Variants in CSMD1 observed in about 807,000 individuals in gnomAD.
CSMD1 encodes the protein CUB and Sushi multiple domains 1.
CSMD1 carries 213 observed loss-of-function variants against 417.5 expected under a neutral mutation model. That is an observed-to-expected ratio of 0.51 (90% CI 0.46 to 0.57). The LOEUF is 0.57. Among genes scored for constraint, CSMD1 ranks in the 20% least tolerant of loss-of-function variants. CSMD1 has a pLI of 0.00. For synonymous variants in CSMD1, 2,862 were observed against 1,736.8 expected, an observed-to-expected ratio of 1.65 and a Z score of -16.11; for missense variants, 6,923 against 4,529.7, an observed-to-expected ratio of 1.53 and a Z score of -15.17.
At chr8:4,089,561 G>C (rs907770383) in intron 3 of CSMD1, among the ~76,000 whole-genome samples, 3 of 152,112 alleles carry the variant, frequency 2.0e-5, no homozygotes, top group African/African-American at 7.2e-5. Flanking sequence ...ATTCTGACTT[G>C]CATTACTTAG....
intron 68 of CSMD1, among the ~76,000 whole-genome samples, chr8:2,948,072 A>T (rs576302545): frequency 2.0e-5 from 3 of 152,118 alleles, no homozygotes; most frequent in Non-Finnish European, 4.4e-5. Context: ...CTCTGGTATC[A>T]AAGCCTATAT....
At chr8:3,541,888 C>T (rs58715660) in intron 10 of CSMD1, among the ~76,000 whole-genome samples, 1,594 of 152,100 alleles carry the variant, frequency 0.01, 29 homozygotes, top group African/African-American at 0.037. Flanking sequence ...ATGGCAAAAC[C>T]CCATCTCTAC....
At chr8:4,385,984 C>G (rs915649977) in intron 3 of CSMD1, among the ~76,000 whole-genome samples, 3 of 150,884 alleles carry the variant, frequency 2.0e-5, no homozygotes, top group South Asian at 4.2e-4. Context: ...CCTTTAAGTT[C>G]ATTTCCTCTG....
In CSMD1 at chr8:4,352,869, G is replaced by C. The variant is rs533252815; in HGVS notation, c.415+67084C>G. On this transcript the variant is annotated intron_variant, in intron 3 of 69. Coordinates refer to ENST00000635120, the MANE Select transcript of CSMD1 (RefSeq NM_033225.6). ...GACCTGTTTCTCTTTGTTTTGTATT[G>C]ATCGTCAGCCATAATTACCTCAGAA... Among the ~76,000 whole-genome samples the C allele has an allele frequency of 2.6e-5, 4 of 152,232 alleles. No individual in the cohort carries two copies. In the East Asian group the frequency reaches 7.7e-4, roughly 29 times the overall value.
chr8:4,705,141 G>A (rs1230843400), intron 1 of CSMD1, among the ~76,000 whole-genome samples: 2 of 152,090 alleles, frequency 1.3e-5, no homozygotes, highest in Non-Finnish European at 2.9e-5. Context: ...ACCTTGTGAA[G>A]AAGGTTCCTC....
At chr8:4,391,789 C>T (rs1027519220) in intron 3 of CSMD1, among the ~76,000 whole-genome samples, 1 of 152,258 alleles carries the variant, frequency 6.6e-6, no homozygotes. Context: ...TGAGTTTGAG[C>T]GGCTGCTAAG....
chr8:4,371,529 A>T (rs1279016345), intron 3 of CSMD1, among the ~76,000 whole-genome samples: 1 of 152,218 alleles, frequency 6.6e-6, no homozygotes, highest in Non-Finnish European at 1.5e-5. Context: ...ATGCAAAGAG[A>T]CAATATCGTT....
chr8:3,031,958 ATGTG>A (rs1810368730), intron 50 of CSMD1, among the ~76,000 whole-genome samples: 2 of 133,492 alleles, frequency 1.5e-5, no homozygotes, highest in South Asian at 4.5e-4. Flanking sequence ...TAGACACTAT[ATGTG>A]TGTATGTGTG....
intron 1 of CSMD1, among the ~76,000 whole-genome samples, chr8:4,639,251 A>ATTTTTTTTTTTTTTTTT (rs34704649): frequency 7.6e-6 from 1 of 131,448 alleles, no homozygotes; most frequent in Non-Finnish European, 1.6e-5. Context: ...GTGGTTGTCA[A>ATTTTTTTTTTTTTTTTT]TTTTTTTTTT....
chr8:4,925,896 T>G (rs553947429), intron 1 of CSMD1, among the ~76,000 whole-genome samples: 2 of 152,210 alleles, frequency 1.3e-5, no homozygotes, highest in South Asian at 2.1e-4. Flanking sequence ...ATGCTCAGTA[T>G]GCAAAACATA....
At chr8:3,591,194 T>C (rs369274985) in intron 8 of CSMD1, among the ~76,000 whole-genome samples, 1 of 152,194 alleles carries the variant, frequency 6.6e-6, no homozygotes. Context: ...ACAATAAATA[T>C]CACACAGCAA....
At chr8:4,132,776 A>G (rs1479593589) in intron 3 of CSMD1, among the ~76,000 whole-genome samples, 1 of 152,222 alleles carries the variant, frequency 6.6e-6, no homozygotes, top group Non-Finnish European at 1.5e-5. Flanking sequence ...ATCCGTTTAA[A>G]AAGACACAAA....
chr8:4,940,998 G>T (rs1029344272), intron 1 of CSMD1, among the ~76,000 whole-genome samples: 1 of 151,666 alleles, frequency 6.6e-6, no homozygotes, highest in Non-Finnish European at 1.5e-5. Context: ...GTTCAAGAAA[G>T]AGCGATTAAT....
intron 15 of CSMD1, among the ~76,000 whole-genome samples, chr8:3,405,654 G>T (rs1464602918): frequency 6.6e-6 from 1 of 152,178 alleles, no homozygotes; most frequent in Non-Finnish European, 1.5e-5. Flanking sequence ...CTTTTAACAA[G>T]GAGAATTTAG....
At chr8:4,583,103 G>C (rs574923033) in intron 2 of CSMD1, among the ~76,000 whole-genome samples, 1 of 152,186 alleles carries the variant, frequency 6.6e-6, no homozygotes, top group Non-Finnish European at 1.5e-5. Context: ...CCGTGCCTGA[G>C]CCTCCCACCC....
rs76946239 is a variant in CSMD1 at position 4,016,985 on chromosome 8, A to G, written c.610+14920T>C. Among the ~76,000 whole-genome samples the G allele has an allele frequency of 7.0e-3, 1,063 of 152,324 alleles. 60 individuals carry two copies. The East Asian group carries it at 0.14, about 20-fold the overall frequency. ...AATCCCTAATGTCTAAAACCCTGAAATCACAATAACAGAAATCATAGAAGA... is the reference window on the plus strand; with the variant it reads ...AATCCCTAATGTCTAAAACCCTGAAGTCACAATAACAGAAATCATAGAAGA... On this transcript the variant is annotated intron_variant, in intron 4 of 69. Coordinates refer to ENST00000635120, the MANE Select transcript of CSMD1 (RefSeq NM_033225.6).
chr8:3,537,641 C>G (rs1798259577), intron 10 of CSMD1, among the ~76,000 whole-genome samples: 1 of 152,098 alleles, frequency 6.6e-6, no homozygotes, highest in South Asian at 2.1e-4. Context: ...ATTTATGTAG[C>G]ATCATTTATT....
At chr8:4,116,092 G>A (rs1020040565) in intron 3 of CSMD1, among the ~76,000 whole-genome samples, 1 of 151,810 alleles carries the variant, frequency 6.6e-6, no homozygotes, top group Non-Finnish European at 1.5e-5. Context: ...TCCGCCTCCT[G>A]GGTTCAAGCG....
intron 10 of CSMD1, among the ~76,000 whole-genome samples, chr8:3,556,516 GCACACACACACA>G (rs71708244): frequency 8.7e-5 from 12 of 137,666 alleles, no homozygotes; most frequent in African/African-American, 2.2e-4. Flanking sequence ...TTTTTCACAC[GCACACACACACA>G]CACACACACA....
Sources: gnomAD v4.1 joint callset for allele counts (sites outside exome capture counted in the v4.1 genomes callset) on GRCh38, gnomAD v4.1.1 for gene constraint, MANE v1.5 for transcripts, NCBI Gene and HGNC (gene_info 2026-07-23, HGNC 2026-07-21) for gene names.